The following LARGE1 variants were observed in gnomAD, a reference collection of about 807,000 sequenced individuals.
The protein encoded by LARGE1 is xylosyl- and glucuronyltransferase LARGE1.
A neutral mutation model predicts 87.6 loss-of-function variants in LARGE1; 43 were observed. The observed-to-expected ratio is 0.49, with a 90% CI of 0.38 to 0.63. LARGE1 has a LOEUF of 0.63. LARGE1 is among the 30% of genes least tolerant of loss of function. The pLI is 0.00. For missense variants in LARGE1, 802 were observed against 1,000.2 expected, an observed-to-expected ratio of 0.80 and a Z score of 2.67; for synonymous variants, 434 against 394.6, an observed-to-expected ratio of 1.10 and a Z score of -1.18.
At chr22:33,438,762 C>T (rs149130426) in intron 6 of LARGE1, among the ~76,000 whole-genome samples, 27 of 152,306 alleles carry the variant, frequency 1.8e-4, no homozygotes, top group African/African-American at 6.3e-4. Context: ...ATCAGGAAGA[C>T]AAAGGATTTT....
chr22:33,534,133 G>A (rs930241764), intron 6 of LARGE1, among the ~76,000 whole-genome samples: 1 of 152,080 alleles, frequency 6.6e-6, no homozygotes, highest in South Asian at 2.1e-4. Flanking sequence ...AGCCGGGCGT[G>A]GTGGCTCACG....
At chr22:33,354,673 T>C (rs955306991) in intron 9 of LARGE1, among the ~76,000 whole-genome samples, 1 of 152,236 alleles carries the variant, frequency 6.6e-6, no homozygotes, top group Admixed American at 6.5e-5. Flanking sequence ...GCTACAAATA[T>C]TTTTGTATGA....
At chr22:33,640,305 G>T (rs536422458) in intron 3 of LARGE1, among the ~76,000 whole-genome samples, 1 of 152,294 alleles carries the variant, frequency 6.6e-6, no homozygotes, top group Admixed American at 6.5e-5. Flanking sequence ...TATGACTGTA[G>T]CAGGCCAAGA....
chr22:33,213,655 A>G (rs1302464017), intron 11 of LARGE1, among the ~76,000 whole-genome samples: 1 of 152,192 alleles, frequency 6.6e-6, no homozygotes, highest in Non-Finnish European at 1.5e-5. Flanking sequence ...AATTGTTAAC[A>G]TTTTGGGGGC....
At chr22:33,329,531 C>T (rs1937515638) in intron 10 of LARGE1, among the ~76,000 whole-genome samples, 1 of 152,036 alleles carries the variant, frequency 6.6e-6, no homozygotes, top group East Asian at 1.9e-4. Flanking sequence ...AAAGTGACAG[C>T]TGTCAGAAAG....
At chr22:33,865,829 A>ATT (rs2064079507) in intron 1 of LARGE1, among the ~76,000 whole-genome samples, 1 of 32,982 alleles carries the variant, frequency 3.0e-5, no homozygotes, top group African/African-American at 1.1e-4. Flanking sequence ...GTTAGCTGTT[A>ATT]TTCTTTTTTT....
chr22:33,071,752 T>C, the LARGE1 span, among the ~76,000 whole-genome samples: 5 of 152,302 alleles, frequency 3.3e-5, no homozygotes, highest in African/African-American at 1.2e-4. Flanking sequence ...GAAGGGCCTA[T>C]GAATCTGTAC....
chr22:33,382,692 G>A (rs1012086895), intron 8 of LARGE1, among the ~76,000 whole-genome samples: 4 of 152,094 alleles, frequency 2.6e-5, no homozygotes, highest in African/African-American at 4.8e-5. Flanking sequence ...GACAGGTGGC[G>A]CCGGGAGGTG....
At chr22:33,517,239 A>G (rs1256039526) in intron 6 of LARGE1, among the ~76,000 whole-genome samples, 1 of 152,124 alleles carries the variant, frequency 6.6e-6, no homozygotes, top group Non-Finnish European at 1.5e-5. Flanking sequence ...GAAAAATTGG[A>G]AAGTGGCTAC....
At chr22:33,075,907 GA>G in the LARGE1 span, among the ~76,000 whole-genome samples, 1 of 152,162 alleles carries the variant, frequency 6.6e-6, no homozygotes, top group African/African-American at 2.4e-5. Flanking sequence ...ATGTCATGCA[GA>G]TTAGACATAT....
intron 1 of LARGE1, among the ~76,000 whole-genome samples, chr22:33,852,558 C>T (rs949128733): frequency 5.9e-5 from 9 of 151,830 alleles, no homozygotes; most frequent in Non-Finnish European, 1.2e-4. Flanking sequence ...GTGCTAAGTA[C>T]GATAAAGGCT....
intron 1 of LARGE1, among the ~76,000 whole-genome samples, chr22:33,799,564 C>G (rs1216958946): frequency 6.6e-6 from 1 of 152,074 alleles, no homozygotes; most frequent in Non-Finnish European, 1.5e-5. Flanking sequence ...CCTCAGCTGC[C>G]CAGGTAGCTG....
chr22:33,849,160 T>A (rs1029000953), intron 1 of LARGE1, among the ~76,000 whole-genome samples: 1 of 152,192 alleles, frequency 6.6e-6, no homozygotes, highest in Non-Finnish European at 1.5e-5. Context: ...ATCAGTCTCA[T>A]CAATAGTTAA....
At chr22:33,142,200 C>T in the LARGE1 span, among the ~76,000 whole-genome samples, 1 of 152,334 alleles carries the variant, frequency 6.6e-6, no homozygotes, top group South Asian at 2.1e-4. Context: ...GTGTTTGCAG[C>T]CTTCCTAGTT....
At chr22:33,324,228 C>CAAAAAAAAAAAA (rs1161508287) in intron 10 of LARGE1, among the ~76,000 whole-genome samples, 1 of 10,738 alleles carries the variant, frequency 9.3e-5, no homozygotes, top group African/African-American at 3.0e-4. Flanking sequence ...GACTCCATCT[C>CAAAAAAAAAAAA]AAAAAAAAAA....
At chr22:33,075,063 T>C in the LARGE1 span, among the ~76,000 whole-genome samples, 1 of 152,230 alleles carries the variant, frequency 6.6e-6, no homozygotes, top group African/African-American at 2.4e-5. Flanking sequence ...TTTAAATGCG[T>C]ACCAGTGTTA....
intron 6 of LARGE1, among the ~76,000 whole-genome samples, chr22:33,517,452 G>C (rs2148482619): frequency 6.6e-6 from 1 of 152,286 alleles, no homozygotes; most frequent in East Asian, 1.9e-4. Context: ...CTGGAGTGCA[G>C]TGGTGCAATC....
the LARGE1 span, among the ~76,000 whole-genome samples, chr22:33,134,417 C>G: frequency 6.6e-6 from 1 of 152,070 alleles, no homozygotes; most frequent in Non-Finnish European, 1.5e-5. Context: ...CGCCACCACG[C>G]CTGGCTAATT....
At position 33,622,655 on chromosome 22, in the gene LARGE1, T is replaced by C. The variant is rs534917786; in HGVS notation, c.491+3589A>G. Among the ~76,000 whole-genome samples, 249 of 152,308 alleles carry C rather than the reference T, an allele frequency of 1.6e-3. 3 individuals are homozygous for C. The highest frequency in any genetic ancestry group is 2.2e-3 in the Non-Finnish European group (147 of 68,016). On this transcript the variant is annotated intron_variant, in intron 4 of 14. Coordinates refer to ENST00000397394, the MANE Select transcript of LARGE1 (RefSeq NM_133642.5). ...CGTAAGGCAGATCTGTCCAGCCCGC[T>C]GCCACTGGAATCTCTCCCCATATAT...
Sources: gnomAD v4.1 joint callset for allele counts (sites outside exome capture counted in the v4.1 genomes callset) on GRCh38, gnomAD v4.1.1 for gene constraint, MANE v1.5 for transcripts, NCBI Gene and HGNC (gene_info 2026-07-23, HGNC 2026-07-21) for gene names.